Variants in RHBDL3 observed in about 807,000 individuals in gnomAD.
The protein encoded by RHBDL3 is rhomboid-related protein 3.
A neutral mutation model predicts 48.2 loss-of-function variants in RHBDL3; 28 were observed. The ratio of observed to expected loss-of-function variants is 0.58; its 90% CI spans 0.43 to 0.80. The LOEUF is 0.80. RHBDL3 is among the 30% of genes least tolerant of loss of function. The pLI, the probability that RHBDL3 is intolerant of heterozygous loss-of-function variation, is 0.00. For missense variants in RHBDL3, 464 were observed against 542.7 expected, an observed-to-expected ratio of 0.85 and a Z score of 1.44; for synonymous variants, 208 against 232.3, an observed-to-expected ratio of 0.90 and a Z score of 0.95.
chr17:32,315,800 C>CT (rs1567790513), intron 7 of RHBDL3, among the ~76,000 whole-genome samples: 1 of 151,822 alleles, frequency 6.6e-6, no homozygotes, highest in Admixed American at 6.6e-5. Context: ...TCAGTCCCCT[C>CT]TTTTTTGAGC....
intron 8 of RHBDL3, among the ~76,000 whole-genome samples, chr17:32,317,349 A>G (rs1672558259): frequency 1.3e-5 from 2 of 152,232 alleles, no homozygotes; most frequent in Admixed American, 6.5e-5. Flanking sequence ...ATATATGTGC[A>G]CTCATGTGCA....
chr17:32,301,418 A>G (rs1452410663), intron 6 of RHBDL3, among the ~76,000 whole-genome samples: 1 of 150,336 alleles, frequency 6.7e-6, no homozygotes, highest in Non-Finnish European at 1.5e-5. Context: ...AAAAAAAAAA[A>G]TCAATATCAC....
intron 7 of RHBDL3, 72 bp downstream of exon 7, chr17:32,305,513 C>G: frequency 1.8e-6 from 2 of 1,129,354 alleles, no homozygotes; most frequent in South Asian, 2.5e-5. Flanking sequence ...AGTATTAATC[C>G]ACTGGGGCTG....
intron 2 of RHBDL3, among the ~76,000 whole-genome samples, chr17:32,281,530 C>T (rs1183915174): frequency 2.6e-5 from 4 of 152,134 alleles, no homozygotes; most frequent in Non-Finnish European, 2.9e-5. Flanking sequence ...CCTGCTCCTT[C>T]TCAGCCCGCA....
Position 32,321,584 on chromosome 17 carries a change from C to T in RHBDL3, c.*355C>T, listed in dbSNP as rs1355791031. On this transcript the variant is annotated 3_prime_UTR_variant, in exon 9 of 9. Coordinates refer to ENST00000269051, the MANE Select transcript of RHBDL3 (RefSeq NM_138328.3). ...GCTGCGGATTGAGCAGCAGCTTCTT[C>T]CTCCTCCTCTACCCTCAGAGACCCT... The T allele has an allele frequency of 9.5e-6, 4 of 419,042 alleles. No individual in the cohort carries two copies. Among genetic ancestry groups the T allele is most frequent in the Admixed American group, 3.5e-5 (1 of 28,198 alleles). 26.0% of individuals were successfully genotyped at this position (419,042 alleles called of 1,614,324 possible). A position where few individuals can be genotyped will look rare whatever the true frequency, so the allele number is the denominator to read the frequency against.
At position 32,265,931 on chromosome 17, in the gene RHBDL3, G is replaced by A. The variant is rs2039617031; in HGVS notation, c.-259G>A. ...CGCCTCGGAGCCGGGCGCGAGGGCCGGGGCGGAGGCGGAGGCCGGCGGGGC... is the reference window on the plus strand; with the variant it reads ...CGCCTCGGAGCCGGGCGCGAGGGCCAGGGCGGAGGCGGAGGCCGGCGGGGC... On this transcript the variant is annotated 5_prime_UTR_variant, in exon 1 of 9. Coordinates refer to ENST00000269051, the MANE Select transcript of RHBDL3 (RefSeq NM_138328.3). 6.8e-6 allele frequency among the ~76,000 whole-genome samples: 1 copy of A among 146,966 alleles called. No homozygotes were observed. The highest frequency in any genetic ancestry group is 1.5e-5 in the Non-Finnish European group (1 of 65,970).
intron 6 of RHBDL3, among the ~76,000 whole-genome samples, chr17:32,304,486 G>A (rs530488569): frequency 1.3e-5 from 2 of 152,150 alleles, no homozygotes; most frequent in East Asian, 1.9e-4. Flanking sequence ...TCCTGGTTCC[G>A]GCACTTCCTA....
At chr17:32,283,537 A>C (rs911787845) in intron 2 of RHBDL3, among the ~76,000 whole-genome samples, 1 of 151,188 alleles carries the variant, frequency 6.6e-6, no homozygotes, top group South Asian at 2.1e-4. Context: ...GTTAGCCAGG[A>C]TGGTCTCCAT....
At chr17:32,317,938 G>A (rs1350020755) in intron 8 of RHBDL3, among the ~76,000 whole-genome samples, 1 of 152,040 alleles carries the variant, frequency 6.6e-6, no homozygotes, top group Non-Finnish European at 1.5e-5. Flanking sequence ...GTCGGGCAGT[G>A]TGGCTGACGC....
intron 6 of RHBDL3, among the ~76,000 whole-genome samples, chr17:32,302,791 C>G (rs2040617508): frequency 6.6e-6 from 1 of 152,110 alleles, no homozygotes; most frequent in African/African-American, 2.4e-5. Context: ...GGCCAAGACT[C>G]AGGTCACTGA....
intron 1 of RHBDL3, among the ~76,000 whole-genome samples, chr17:32,267,447 G>A (rs987395498): frequency 2.0e-5 from 3 of 151,382 alleles, no homozygotes; most frequent in Non-Finnish European, 4.4e-5. Context: ...GGAGGGGGGG[G>A]CTCTAGCTCC....
intron 2 of RHBDL3, among the ~76,000 whole-genome samples, chr17:32,282,913 C>T (rs28661492): frequency 0.27 from 41,258 of 152,158 alleles, 6,508 homozygotes; most frequent in African/African-American, 0.44. Context: ...TGAGCCACCG[C>T]GCCCGGCCTT....
intron 1 of RHBDL3, 84 bp from the exon 2 acceptor site, chr17:32,267,818 C>T (rs1354729156): frequency 1.5e-5 from 24 of 1,608,114 alleles, no homozygotes; most frequent in Non-Finnish European, 2.0e-5. Context: ...CAGAAACATC[C>T]GAGGACTACA....
chr17:32,292,506 AACAAAATGTGGTC>A (rs1453189640), intron 4 of RHBDL3, among the ~76,000 whole-genome samples: 2 of 152,182 alleles, frequency 1.3e-5, no homozygotes, highest in African/African-American at 4.8e-5. Flanking sequence ...TGAATGGAGA[AACAAAATGTGGTC>A]TGTGTTTATA....
At chr17:32,310,781 T>C (rs8078291) in intron 7 of RHBDL3, among the ~76,000 whole-genome samples, 60,326 of 113,576 alleles carry the variant, frequency 0.53, 15,655 homozygotes, top group African/African-American at 0.61. Context: ...CTACTCAGGA[T>C]GCTGAGGCAG....
intron 6 of RHBDL3, among the ~76,000 whole-genome samples, chr17:32,301,047 T>C (rs1349429646): frequency 2.6e-5 from 4 of 152,006 alleles, no homozygotes; most frequent in African/African-American, 9.7e-5. Flanking sequence ...GCCCGGCTAA[T>C]TTTTTTGTAT....
At chr17:32,301,398 T>C (rs2040578891) in intron 6 of RHBDL3, among the ~76,000 whole-genome samples, 1 of 143,794 alleles carries the variant, frequency 7.0e-6, no homozygotes, top group African/African-American at 2.6e-5. Flanking sequence ...GAGACCCCCA[T>C]CTCTACCAAA....
intron 6 of RHBDL3, among the ~76,000 whole-genome samples, chr17:32,301,899 T>C (rs925748735): frequency 4.6e-5 from 7 of 152,250 alleles, no homozygotes; most frequent in African/African-American, 9.6e-5. Context: ...ATTTGGATTT[T>C]TTTTAAGGCC....
chr17:32,266,811 C>A (rs2039644101), intron 1 of RHBDL3, among the ~76,000 whole-genome samples: 1 of 152,198 alleles, frequency 6.6e-6, no homozygotes, highest in Non-Finnish European at 1.5e-5. Flanking sequence ...TTCAAGCCGG[C>A]CCCCGCCTCT....
Sources: allele counts gnomAD v4.1 joint callset (sites outside exome capture counted in the v4.1 genomes callset), GRCh38; gene constraint gnomAD v4.1.1; transcripts MANE v1.5; gene names NCBI Gene and HGNC (gene_info 2026-07-23, HGNC 2026-07-21).